The following RERG variants were observed in gnomAD, a reference collection of about 807,000 sequenced individuals.
RERG encodes RAS like estrogen regulated growth inhibitor.
Under a neutral mutation model 23.2 loss-of-function variants are expected in RERG, and 25 were observed. That is an observed-to-expected ratio of 1.08 (90% CI 0.79 to 1.50). The LOEUF (loss-of-function observed/expected upper bound fraction) is 1.50. Ranked by LOEUF, RERG falls within the 40% of genes most tolerant of loss-of-function variation. The pLI is 0.00. For synonymous variants in RERG, 81 were observed against 89.1 expected (o/e 0.91, Z 0.51); for missense variants, 253 against 250.1 (o/e 1.01, Z -0.08).
chr12:15,182,115 A>G (rs1331885387), intron 2 of RERG, among the ~76,000 whole-genome samples: 1 of 150,130 alleles, frequency 6.7e-6, no homozygotes, highest in Non-Finnish European at 1.5e-5. Flanking sequence ...CTGGAGTGCA[A>G]TGGCGCGATC....
intron 2 of RERG, among the ~76,000 whole-genome samples, chr12:15,211,318 C>CACACACACACACAT (rs1219786631): frequency 6.6e-6 from 1 of 151,530 alleles, no homozygotes; most frequent in Non-Finnish European, 1.5e-5. Flanking sequence ...CACACACACA[C>CACACACACACACAT]ACACACACAC....
intron 2 of RERG, among the ~76,000 whole-genome samples, chr12:15,142,374 A>G (rs1490435167): frequency 6.6e-6 from 1 of 152,226 alleles, no homozygotes; most frequent in African/African-American, 2.4e-5. Flanking sequence ...TCTAACAGCT[A>G]TACAAACATG....
rs1160860483 is a variant in RERG, at chr12:15,124,142, G to A, written c.62-3023C>T. Among the ~76,000 whole-genome samples, 2 of 152,018 alleles carry A rather than the reference G, an allele frequency of 1.3e-5. 1 individual carries two copies. The highest frequency in any genetic ancestry group is 1.3e-4 in the Admixed American group (2 of 15,268). On this transcript the variant is annotated intron_variant, in intron 2 of 4. Coordinates refer to ENST00000256953, the MANE Select transcript of RERG (RefSeq NM_032918.3). ...TTAATCCAATAAAATATTTTTAAAA[G>A]TCACTTAATGTAATCATTCAGTGGC...
At chr12:15,210,649 A>G (rs1475188669) in intron 2 of RERG, among the ~76,000 whole-genome samples, 1 of 152,218 alleles carries the variant, frequency 6.6e-6, no homozygotes, top group Non-Finnish European at 1.5e-5. Context: ...TGGGCATACA[A>G]GAAAGGTCAG....
At chr12:15,169,382 T>C (rs1455067278) in intron 2 of RERG, among the ~76,000 whole-genome samples, 1 of 152,190 alleles carries the variant, frequency 6.6e-6, no homozygotes. Context: ...TGCAGTTGGG[T>C]ATCATCCAAT....
At chr12:15,132,074 A>C (rs1407356160) in intron 2 of RERG, among the ~76,000 whole-genome samples, 3 of 152,196 alleles carry the variant, frequency 2.0e-5, no homozygotes, top group South Asian at 2.1e-4. Context: ...GAAGCCATTA[A>C]AGTGTTATAA....
chr12:15,138,436 AT>A (rs1172339383), intron 2 of RERG, among the ~76,000 whole-genome samples: 1 of 151,884 alleles, frequency 6.6e-6, no homozygotes, highest in Non-Finnish European at 1.5e-5. Context: ...GAGCTCAGAG[AT>A]TTTTTTCCTT....
chr12:15,207,471 C>T (rs556105534), intron 2 of RERG, among the ~76,000 whole-genome samples: 4 of 152,150 alleles, frequency 2.6e-5, no homozygotes, highest in Admixed American at 2.6e-4. Context: ...CAAAAACAAC[C>T]ATCTCCATTT....
chr12:15,205,481 A>G (rs1388396324), intron 2 of RERG, among the ~76,000 whole-genome samples: 3 of 152,076 alleles, frequency 2.0e-5, no homozygotes, highest in Non-Finnish European at 4.4e-5. Flanking sequence ...TGGAAAAGAA[A>G]GTCCCAGACT....
In RERG at chr12:15,110,463, C is replaced by CTTTTTTTTTTTTTT. The variant is rs869218147; in HGVS notation, c.192+867_192+880dup. On this transcript the variant is annotated intron_variant, in intron 4 of 4. Transcript: ENST00000256953. ...CTGTCATTCCAGTGGCCATTTTTTT[C>CTTTTTTTTTTTTTT]TTTTTTTTTTTTTTTTTTTTTTTTT... Among the ~76,000 whole-genome samples, 176 of 73,138 alleles carry CTTTTTTTTTTTTTT rather than the reference C, an allele frequency of 2.4e-3. 35 individuals are homozygous for CTTTTTTTTTTTTTT. Among genetic ancestry groups the CTTTTTTTTTTTTTT allele is most frequent in the Non-Finnish European group, 2.8e-3 (116 of 41,062 alleles). The allele number at this position is 73,138 out of a possible 152,430, so 48.0% of individuals were successfully genotyped here. A position where few individuals can be genotyped will look rare whatever the true frequency, so the allele number is the denominator to read the frequency against.
At chr12:15,127,653 C>G (rs1863972124) in intron 2 of RERG, among the ~76,000 whole-genome samples, 1 of 152,120 alleles carries the variant, frequency 6.6e-6, no homozygotes, top group South Asian at 2.1e-4. Context: ...AGAGAAGACT[C>G]TACCCTAGAT....
chr12:15,144,045 G>A (rs2136103764), intron 2 of RERG, among the ~76,000 whole-genome samples: 1 of 152,238 alleles, frequency 6.6e-6, no homozygotes, highest in East Asian at 1.9e-4. Flanking sequence ...GCAAGTGGAA[G>A]AAGAAGAGGT....
intron 2 of RERG, among the ~76,000 whole-genome samples, chr12:15,174,020 C>T (rs1402104877): frequency 6.6e-6 from 1 of 151,898 alleles, no homozygotes; most frequent in Non-Finnish European, 1.5e-5. Context: ...TATTTATTCC[C>T]GTGGAGTCAA....
intron 1 of RERG, among the ~76,000 whole-genome samples, chr12:15,218,948 G>A (rs1325408925): frequency 1.3e-5 from 2 of 151,934 alleles, no homozygotes; most frequent in African/African-American, 4.8e-5. Flanking sequence ...TAAATTCCCT[G>A]AGATTTTCAC....
At chr12:15,153,614 A>G (rs141961329) in intron 2 of RERG, among the ~76,000 whole-genome samples, 1,740 of 152,232 alleles carry the variant, frequency 0.011, 12 homozygotes, top group Non-Finnish European at 0.017. Context: ...AAAGAAAAAG[A>G]ATATTCACGG....
At chr12:15,144,692 T>C (rs1212757183) in intron 2 of RERG, among the ~76,000 whole-genome samples, 1 of 152,172 alleles carries the variant, frequency 6.6e-6, no homozygotes, top group Non-Finnish European at 1.5e-5. Flanking sequence ...GGGGTGGCAA[T>C]GCAGAGAGTC....
intron 2 of RERG, among the ~76,000 whole-genome samples, chr12:15,215,551 T>C (rs1038889034): frequency 6.6e-6 from 1 of 152,198 alleles, no homozygotes; most frequent in African/African-American, 2.4e-5. Flanking sequence ...TGGTCATTGT[T>C]TGGTAGTGAC....
intron 2 of RERG, among the ~76,000 whole-genome samples, chr12:15,151,673 TAAATC>T (rs1864445537): frequency 6.6e-6 from 1 of 152,204 alleles, no homozygotes; most frequent in Admixed American, 6.5e-5. Context: ...TGGATCATAG[TAAATC>T]ATCCACCAGA....
intron 3 of RERG, among the ~76,000 whole-genome samples, chr12:15,117,895 G>C (rs1393034966): frequency 6.6e-6 from 1 of 152,088 alleles, no homozygotes; most frequent in Admixed American, 6.5e-5. Flanking sequence ...TGGTTAGATG[G>C]TCCAACTCGC....
Sources: gnomAD v4.1 joint callset for allele counts (sites outside exome capture counted in the v4.1 genomes callset) on GRCh38, gnomAD v4.1.1 for gene constraint, MANE v1.5 for transcripts, NCBI Gene and HGNC (gene_info 2026-07-23, HGNC 2026-07-21) for gene names.